CCDC73: variants seen among roughly 807,000 people sequenced by gnomAD.
CCDC73 encodes coiled-coil domain-containing protein 73.
In CCDC73, 95 loss-of-function variants were observed where a neutral mutation model predicts 116.5. The ratio of observed to expected loss-of-function variants is 0.82; its 90% confidence interval spans 0.69 to 0.97. The LOEUF (loss-of-function observed/expected upper bound fraction) is 0.97, where lower values mean the gene tolerates loss of function less well. Among genes scored for constraint, CCDC73 ranks in the 50% least tolerant of loss-of-function variants. The pLI, the probability that CCDC73 is intolerant of heterozygous loss-of-function variation, is 0.00. For synonymous variants in CCDC73, 398 were observed against 401.3 expected, an observed-to-expected ratio of 0.99 and a Z score of 0.10; for missense variants, 1,066 against 1,206.8, an observed-to-expected ratio of 0.88 and a Z score of 1.73.
intron 2 of CCDC73, among the ~76,000 whole-genome samples, chr11:32,748,501 T>C (rs1400797472): frequency 6.6e-6 from 1 of 152,232 alleles, no homozygotes; most frequent in Non-Finnish European, 1.5e-5. Context: ...TATCTTATTA[T>C]ACTGTCTATG....
chr11:32,820,649 T>G, the CCDC73 span, among the ~76,000 whole-genome samples: 2 of 152,224 alleles, frequency 1.3e-5, no homozygotes, highest in Admixed American at 1.3e-4. Context: ...CCACACTTAT[T>G]GAAGTGCATT....
chr11:32,785,865 G>A (rs1377165917), intron 1 of CCDC73, among the ~76,000 whole-genome samples: 2 of 152,090 alleles, frequency 1.3e-5, no homozygotes, highest in Non-Finnish European at 2.9e-5. Flanking sequence ...ACACAGAGGA[G>A]GTTTCAGTTT....
rs534609592 is a variant in CCDC73 at position 32,709,092 on chromosome 11, G to C, written c.208-6148C>G. On this transcript the variant is annotated intron_variant, in intron 3 of 17. Coordinates refer to ENST00000335185, the MANE Select transcript of CCDC73 (RefSeq NM_001008391.4). ...GGTATGTCCCTTCTATGATGATTTT[G>C]CTGAGGGTTTTAATCATAAAGGGAT... 8.9e-4 allele frequency among the ~76,000 whole-genome samples: 136 copies of C among 152,176 alleles called. 5 individuals are homozygous for C. The South Asian group carries it at 0.026, about 29-fold the overall frequency.
chr11:32,825,203 G>T, the CCDC73 span, among the ~76,000 whole-genome samples: 1 of 151,576 alleles, frequency 6.6e-6, no homozygotes, highest in Non-Finnish European at 1.5e-5. Context: ...ACAGATCCTG[G>T]TTGGTATATT....
At chr11:32,794,831 T>C (rs1280457335), upstream of CCDC73, among the ~76,000 whole-genome samples, 1 of 151,920 alleles carries the variant, frequency 6.6e-6, no homozygotes, top group East Asian at 2.0e-4. Context: ...TATTGGCTTA[T>C]ATATTCTTTT....
At chr11:32,773,358 G>A (rs1163831266) in intron 1 of CCDC73, among the ~76,000 whole-genome samples, 2 of 152,102 alleles carry the variant, frequency 1.3e-5, no homozygotes, top group Non-Finnish European at 2.9e-5. Context: ...AATTGATTGT[G>A]GTGATGGATA....
Position 32,788,255 on chromosome 11 carries a change from ACAAT to A in CCDC73, c.-16+6354_-16+6357del, listed in dbSNP as rs528765144. On this transcript the variant is annotated intron_variant, in intron 1 of 17. Coordinates refer to ENST00000335185, the MANE Select transcript of CCDC73 (RefSeq NM_001008391.4). ...CCATGAATCAAAGAAGGCAGCATGT[ACAAT>A]CAGAGTGTTTCCTATAACTGTGATA... is the stretch of plus-strand genomic sequence containing the variant. Among the ~76,000 whole-genome samples the A allele has an allele frequency of 1.4e-4, 21 of 152,358 alleles. No homozygotes were observed. In the East Asian group the frequency reaches 3.9e-3, roughly 28 times the overall value.
intron 3 of CCDC73, among the ~76,000 whole-genome samples, chr11:32,709,738 G>A (rs553152493): frequency 2.6e-5 from 4 of 152,146 alleles, no homozygotes; most frequent in East Asian, 1.9e-4. Context: ...AATGATTAAG[G>A]GAGGATTCCC....
At chr11:32,621,275 C>A (rs11031899) in intron 14 of CCDC73, among the ~76,000 whole-genome samples, 7,434 of 152,252 alleles carry the variant, frequency 0.049, 215 homozygotes, top group East Asian at 0.12. Flanking sequence ...TCAAACTATA[C>A]TACAAAGCAA....
intron 2 of CCDC73, among the ~76,000 whole-genome samples, chr11:32,742,448 T>C (rs887618616): frequency 3.9e-5 from 6 of 152,266 alleles, no homozygotes; most frequent in African/African-American, 1.2e-4. Flanking sequence ...GCTGCATAAA[T>C]GTCTTCTTTT....
At chr11:32,621,831 A>T (rs1039358620) in intron 14 of CCDC73, among the ~76,000 whole-genome samples, 3 of 152,248 alleles carry the variant, frequency 2.0e-5, no homozygotes, top group Admixed American at 1.3e-4. Context: ...AAACAACTCT[A>T]TCAAAAAGTG....
At chr11:32,774,091 C>T (rs1428497246) in intron 1 of CCDC73, among the ~76,000 whole-genome samples, 1 of 152,134 alleles carries the variant, frequency 6.6e-6, no homozygotes, top group Non-Finnish European at 1.5e-5. Context: ...CAGCCCCATG[C>T]GTCATCCCTT....
chr11:32,654,130 C>A, intron 10 of CCDC73, 93 bp from the exon 11 acceptor site: 1 of 1,111,982 alleles, frequency 9.0e-7, no homozygotes, highest in Non-Finnish European at 1.2e-6. Context: ...GTGTTATGAC[C>A]TATTCCTACC....
At chr11:32,708,069 T>A (rs139179549) in intron 3 of CCDC73, among the ~76,000 whole-genome samples, 10 of 152,192 alleles carry the variant, frequency 6.6e-5, no homozygotes, top group Non-Finnish European at 1.5e-4. Context: ...TCCATCTTGA[T>A]TTGATTTTTG....
chr11:32,810,521 T>G, the CCDC73 span, among the ~76,000 whole-genome samples: 1 of 152,122 alleles, frequency 6.6e-6, no homozygotes, highest in Non-Finnish European at 1.5e-5. Flanking sequence ...AAACCAGTGC[T>G]CTTTCTAATT....
At chr11:32,794,872 GT>G (rs35414867), upstream of CCDC73, among the ~76,000 whole-genome samples, 3 of 149,218 alleles carry the variant, frequency 2.0e-5, no homozygotes, top group African/African-American at 4.9e-5. Context: ...TTTGTTTTTG[GT>G]TTTTTTTTTG....
chr11:32,758,388 G>A (rs1199819069), intron 2 of CCDC73: 2 of 506,860 alleles, frequency 3.9e-6, no homozygotes, highest in East Asian at 5.5e-5. Context: ...GGTTAGGAAA[G>A]CACCAAAATC....
chr11:32,721,070 C>G (rs1849985699), intron 2 of CCDC73, among the ~76,000 whole-genome samples: 1 of 152,126 alleles, frequency 6.6e-6, no homozygotes, highest in Non-Finnish European at 1.5e-5. Context: ...CCAGATCCAG[C>G]CTGGAGTGCA....
chr11:32,629,645 G>T (rs1323813954), intron 14 of CCDC73, among the ~76,000 whole-genome samples: 2 of 151,662 alleles, frequency 1.3e-5, no homozygotes, highest in East Asian at 1.9e-4. Context: ...TGATCTGCCC[G>T]CCTTGGCCTC....
Sources: gnomAD v4.1 joint callset for allele counts (sites outside exome capture counted in the v4.1 genomes callset) on GRCh38, gnomAD v4.1.1 for gene constraint, MANE v1.5 for transcripts, NCBI Gene and HGNC (gene_info 2026-07-23, HGNC 2026-07-21) for gene names.